DSCAM: variants seen among roughly 807,000 people sequenced by gnomAD.
The protein encoded by DSCAM is DS cell adhesion molecule.
In DSCAM, 47 loss-of-function variants were observed where a neutral mutation model predicts 217.7. That is an observed-to-expected ratio of 0.22 (90% CI 0.17 to 0.28). The LOEUF is 0.28. Among genes scored for constraint, DSCAM ranks in the 10% least tolerant of loss-of-function variants. The pLI, the probability that DSCAM is intolerant of heterozygous loss-of-function variation, is 1.00. For synonymous variants in DSCAM, 1,056 were observed against 1,015.3 expected, an observed-to-expected ratio of 1.04 and a Z score of -0.76; for missense variants, 2,080 against 2,618.3, an observed-to-expected ratio of 0.79 and a Z score of 4.49.
At chr21:40,769,562 C>G (rs1052285888) in intron 1 of DSCAM, among the ~76,000 whole-genome samples, 2 of 152,218 alleles carry the variant, frequency 1.3e-5, no homozygotes, top group Non-Finnish European at 2.9e-5. Context: ...TCAACCATCC[C>G]TGGAGAGGTG....
At chr21:40,393,379 C>T (rs2075151075) in intron 3 of DSCAM, among the ~76,000 whole-genome samples, 1 of 152,194 alleles carries the variant, frequency 6.6e-6, no homozygotes. Context: ...AAGACATGTT[C>T]CCAGCCCTTT....
intron 11 of DSCAM, among the ~76,000 whole-genome samples, chr21:40,209,631 C>T (rs1021224553): frequency 1.3e-4 from 20 of 152,152 alleles, no homozygotes; most frequent in African/African-American, 4.3e-4. Context: ...TTCTCCCTGT[C>T]CCTATTCCTG....
chr21:40,138,342 G>A (rs1373333564), intron 18 of DSCAM, among the ~76,000 whole-genome samples: 3 of 150,538 alleles, frequency 2.0e-5, no homozygotes, highest in Non-Finnish European at 4.4e-5. Flanking sequence ...GTGTGTATGA[G>A]GTATATGTTG....
At chr21:40,417,141 A>G (rs1455495754) in intron 3 of DSCAM, among the ~76,000 whole-genome samples, 1 of 152,148 alleles carries the variant, frequency 6.6e-6, no homozygotes, top group Non-Finnish European at 1.5e-5. Flanking sequence ...CTTTAATAGC[A>G]TTGTAAAGTT....
At chr21:40,638,684 T>A (rs2089839119) in intron 3 of DSCAM, among the ~76,000 whole-genome samples, 1 of 152,194 alleles carries the variant, frequency 6.6e-6, no homozygotes, top group Non-Finnish European at 1.5e-5. Context: ...TGTGTAAGCT[T>A]TAAACTAATA....
At chr21:40,241,594 T>G (rs2073153949) in intron 11 of DSCAM, among the ~76,000 whole-genome samples, 2 of 152,236 alleles carry the variant, frequency 1.3e-5, no homozygotes, top group Admixed American at 1.3e-4. Flanking sequence ...TGGTGATTCC[T>G]CAAAAAGCTA....
At chr21:40,168,262 G>A (rs993088326) in intron 15 of DSCAM, among the ~76,000 whole-genome samples, 6 of 152,086 alleles carry the variant, frequency 3.9e-5, no homozygotes, top group African/African-American at 1.4e-4. Context: ...TCAATTACAG[G>A]GAGCCAATGA....
chr21:40,470,042 C>G (rs2075875486), intron 3 of DSCAM, among the ~76,000 whole-genome samples: 1 of 152,210 alleles, frequency 6.6e-6, no homozygotes. Context: ...TTACAGGGGC[C>G]TCTTTTATCT....
intron 1 of DSCAM, among the ~76,000 whole-genome samples, chr21:40,774,729 T>G (rs930601614): frequency 6.6e-6 from 1 of 152,038 alleles, no homozygotes; most frequent in Non-Finnish European, 1.5e-5. Flanking sequence ...TCATCATCAC[T>G]TAGTTCTATC....
At chr21:40,091,209 A>G (rs1294092539) in intron 21 of DSCAM, among the ~76,000 whole-genome samples, 2 of 152,314 alleles carry the variant, frequency 1.3e-5, no homozygotes, top group Middle Eastern at 6.8e-3. Flanking sequence ...TATCACACAC[A>G]CACACATGCA....
Position 40,821,056 on chromosome 21 carries a change from A to G in DSCAM, c.43+25563T>C, listed in dbSNP as rs149389253. Among the ~76,000 whole-genome samples, 184 of 150,804 alleles carry G rather than the reference A, an allele frequency of 1.2e-3. 1 individual carries two copies. The highest frequency in any genetic ancestry group is 2.1e-3 in the Non-Finnish European group (143 of 67,864). On this transcript the variant is annotated intron_variant, in intron 1 of 32. Transcript: ENST00000400454. The stretch of plus-strand genomic sequence containing the variant: ...TATATATCTTCACATATATATAGAT[A>G]TATATATCTTCACATATAGATCTTC...
At chr21:40,423,243 A>C (rs942122344) in intron 3 of DSCAM, among the ~76,000 whole-genome samples, 5 of 152,186 alleles carry the variant, frequency 3.3e-5, no homozygotes, top group African/African-American at 1.2e-4. Flanking sequence ...TCATTCCCAA[A>C]ATTTTGAGTC....
chr21:40,297,108 G>C (rs1223893583), intron 9 of DSCAM, among the ~76,000 whole-genome samples: 3 of 152,140 alleles, frequency 2.0e-5, no homozygotes, highest in South Asian at 4.1e-4. Context: ...ACTGTGGAGA[G>C]TAGTTGCAGT....
chr21:40,167,086 G>T (rs565333724), intron 16 of DSCAM, 132 bp downstream of exon 16: 3 of 711,690 alleles, frequency 4.2e-6, no homozygotes, highest in Non-Finnish European at 2.3e-6. Context: ...TTAAGAAAAG[G>T]GCTTTCAACT....
At chr21:40,681,456 C>T (rs2090399748) in intron 3 of DSCAM, among the ~76,000 whole-genome samples, 1 of 150,346 alleles carries the variant, frequency 6.7e-6, no homozygotes, top group African/African-American at 2.5e-5. Flanking sequence ...CCTGATGGGG[C>T]TGTCTGCTTT....
intron 1 of DSCAM, among the ~76,000 whole-genome samples, chr21:40,803,318 AATG>A (rs971625413): frequency 6.6e-6 from 1 of 152,246 alleles, no homozygotes; most frequent in African/African-American, 2.4e-5. Flanking sequence ...AAGGCAGTGA[AATG>A]ATGAGAACTC....
intron 1 of DSCAM, among the ~76,000 whole-genome samples, chr21:40,742,806 G>T (rs2091136817): frequency 6.6e-6 from 1 of 151,962 alleles, no homozygotes; most frequent in Non-Finnish European, 1.5e-5. Flanking sequence ...TACTGTTATT[G>T]CCATCTTCAC....
At chr21:40,344,538 G>A (rs144201063) in intron 6 of DSCAM, among the ~76,000 whole-genome samples, 115 of 152,106 alleles carry the variant, frequency 7.6e-4, no homozygotes, top group African/African-American at 2.6e-3. Flanking sequence ...AGAAGTCTGC[G>A]TTGGCAGGGC....
At chr21:40,243,826 T>C (rs2073185834) in intron 11 of DSCAM, among the ~76,000 whole-genome samples, 1 of 152,118 alleles carries the variant, frequency 6.6e-6, no homozygotes. Flanking sequence ...TTGCTTGTCA[T>C]CACATTAATT....
Sources: gnomAD v4.1 joint callset for allele counts (sites outside exome capture counted in the v4.1 genomes callset) on GRCh38, gnomAD v4.1.1 for gene constraint, MANE v1.5 for transcripts, NCBI Gene and HGNC (gene_info 2026-07-23, HGNC 2026-07-21) for gene names.